The following SUGCT variants were observed in gnomAD, a reference collection of about 807,000 sequenced individuals.
SUGCT encodes succinyl-CoA:glutarate-CoA transferase.
Under a neutral mutation model 55.0 loss-of-function variants are expected in SUGCT, and 41 were observed. That is an observed-to-expected ratio of 0.74 (90% CI 0.58 to 0.97). The LOEUF is 0.97. Among genes scored for constraint, SUGCT ranks in the 50% least tolerant of loss-of-function variants. SUGCT has a pLI of 0.00. For missense variants in SUGCT, 568 were observed against 547.8 expected, an observed-to-expected ratio of 1.04 and a Z score of -0.37; for synonymous variants, 187 against 200.4, an observed-to-expected ratio of 0.93 and a Z score of 0.56.
chr7:41,018,180 C>T, the SUGCT span, among the ~76,000 whole-genome samples: 1 of 151,888 alleles, frequency 6.6e-6, no homozygotes, highest in Non-Finnish European at 1.5e-5. Flanking sequence ...TGGACCGCTG[C>T]AAGGGGAATG....
At chr7:40,654,638 C>T (rs1475391275) in intron 12 of SUGCT, among the ~76,000 whole-genome samples, 2 of 152,190 alleles carry the variant, frequency 1.3e-5, no homozygotes, top group African/African-American at 4.8e-5. Context: ...CTATATGCTT[C>T]ACACACACAA....
intron 9 of SUGCT, among the ~76,000 whole-genome samples, chr7:40,379,346 G>A (rs1393442): frequency 0.96 from 145,679 of 152,286 alleles, 70,001 homozygotes; most frequent in East Asian, 1. Context: ...GTCTTTGTCT[G>A]GTAAGTCTAA....
the SUGCT span, among the ~76,000 whole-genome samples, chr7:40,935,328 C>T: frequency 3.3e-5 from 5 of 150,956 alleles, no homozygotes; most frequent in Non-Finnish European, 7.4e-5. Context: ...GTTGTGCAAC[C>T]ATCACTTCCA....
At chr7:40,344,809 G>C (rs1335800002) in intron 9 of SUGCT, among the ~76,000 whole-genome samples, 1 of 151,928 alleles carries the variant, frequency 6.6e-6, no homozygotes, top group African/African-American at 2.4e-5. Context: ...TCCTCTTTAT[G>C]TAACACATAC....
chr7:40,404,334 G>A (rs1239964797), intron 9 of SUGCT, among the ~76,000 whole-genome samples: 1 of 152,140 alleles, frequency 6.6e-6, no homozygotes, highest in African/African-American at 2.4e-5. Flanking sequence ...GTTAGGCAAG[G>A]CTCCTGACAT....
the SUGCT span, among the ~76,000 whole-genome samples, chr7:40,996,125 G>A: frequency 1.3e-5 from 2 of 152,222 alleles, no homozygotes; most frequent in Non-Finnish European, 2.9e-5. Context: ...TGGAATGAAT[G>A]CATGGACCAA....
chr7:40,286,130 A>G (rs1235555883), intron 8 of SUGCT, among the ~76,000 whole-genome samples: 3 of 152,206 alleles, frequency 2.0e-5, no homozygotes, highest in African/African-American at 7.2e-5. Context: ...GCCAGAGTAT[A>G]CAATGAATGA....
chr7:40,205,363 C>T (rs1044508070), intron 6 of SUGCT, among the ~76,000 whole-genome samples: 2 of 151,796 alleles, frequency 1.3e-5, no homozygotes, highest in Admixed American at 6.6e-5. Context: ...CAAAATTGGC[C>T]GGGCGCGGTG....
chr7:40,144,492 G>T (rs1215245423), intron 1 of SUGCT, among the ~76,000 whole-genome samples: 1 of 152,152 alleles, frequency 6.6e-6, no homozygotes, highest in Non-Finnish European at 1.5e-5. Flanking sequence ...AAGAACAGCA[G>T]TCTTGGTGGT....
At chr7:40,369,744 G>A (rs1040341898) in intron 9 of SUGCT, among the ~76,000 whole-genome samples, 1 of 152,188 alleles carries the variant, frequency 6.6e-6, no homozygotes, top group African/African-American at 2.4e-5. Context: ...CTGGATGGAA[G>A]CCACAGAGAA....
At chr7:40,591,960 G>A (rs773520058) in intron 12 of SUGCT, among the ~76,000 whole-genome samples, 29 of 152,144 alleles carry the variant, frequency 1.9e-4, no homozygotes, top group Non-Finnish European at 3.8e-4. Flanking sequence ...TACAATACTT[G>A]CTTTATTGTG....
intron 6 of SUGCT, among the ~76,000 whole-genome samples, chr7:40,226,587 C>G (rs1584393259): frequency 7.1e-6 from 1 of 141,690 alleles, no homozygotes; most frequent in Admixed American, 7.2e-5. Context: ...AAAACTAACT[C>G]TTTTTTTTTT....
chr7:40,203,472 TG>T (rs1165450530), intron 6 of SUGCT, among the ~76,000 whole-genome samples: 3 of 152,164 alleles, frequency 2.0e-5, no homozygotes, highest in Non-Finnish European at 4.4e-5. Flanking sequence ...TTTCTAACTA[TG>T]GAAATAGAAT....
At chr7:40,718,720 CT>C (rs1157560594) in intron 12 of SUGCT, among the ~76,000 whole-genome samples, 1 of 152,068 alleles carries the variant, frequency 6.6e-6, no homozygotes, top group African/African-American at 2.4e-5. Context: ...TTTGCATTGA[CT>C]TTTTTTCAGA....
rs533691849 is a variant in SUGCT at position 40,226,584 on chromosome 7, A to T, written c.485-11051A>T. On this transcript the variant is annotated intron_variant, in intron 6 of 13. Coordinates refer to ENST00000335693, the MANE Select transcript of SUGCT (RefSeq NM_001193313.2). Reference sequence around the variant, plus strand: ...GAAGAATCTTCAGAATAGAAAACTAACTCTTTTTTTTTTTTTTCAGGTGTA... The same window carrying T: ...GAAGAATCTTCAGAATAGAAAACTATCTCTTTTTTTTTTTTTTCAGGTGTA... Among the ~76,000 whole-genome samples the T allele has an allele frequency of 4.0e-5, 6 of 150,950 alleles. No individual in the cohort carries two copies. The South Asian group carries it at 6.3e-4, about 16-fold the overall frequency.
chr7:40,663,406 CGTT>C (rs898440793), intron 12 of SUGCT, among the ~76,000 whole-genome samples: 1 of 151,634 alleles, frequency 6.6e-6, no homozygotes, highest in Non-Finnish European at 1.5e-5. Context: ...TTCTTTCTCT[CGTT>C]GGTCTCCATC....
At chr7:40,741,794 G>A (rs1787475012) in intron 12 of SUGCT, among the ~76,000 whole-genome samples, 1 of 152,186 alleles carries the variant, frequency 6.6e-6, no homozygotes, top group African/African-American at 2.4e-5. Flanking sequence ...GTGAATCTCA[G>A]AAACAATGTT....
intron 12 of SUGCT, among the ~76,000 whole-genome samples, chr7:40,594,143 G>A (rs1797874276): frequency 6.6e-6 from 1 of 152,048 alleles, no homozygotes; most frequent in African/African-American, 2.4e-5. Context: ...CATGGACACA[G>A]GAAGGGGAAT....
intron 9 of SUGCT, among the ~76,000 whole-genome samples, chr7:40,326,733 A>C (rs1796044723): frequency 6.6e-6 from 1 of 152,162 alleles, no homozygotes; most frequent in Admixed American, 6.5e-5. Flanking sequence ...TGAATGGTTT[A>C]ATTAATTGAG....
Sources: gnomAD v4.1 joint callset for allele counts (sites outside exome capture counted in the v4.1 genomes callset) on GRCh38, gnomAD v4.1.1 for gene constraint, MANE v1.5 for transcripts, NCBI Gene and HGNC (gene_info 2026-07-23, HGNC 2026-07-21) for gene names.